The following ANOS1 variants were observed in gnomAD, a reference collection of about 807,000 sequenced individuals.
The protein encoded by ANOS1 is anosmin 1.
In ANOS1, 6 loss-of-function variants were observed where a neutral mutation model predicts 59.0. The ratio of observed to expected loss-of-function variants is 0.10; its 90% CI spans 0.06 to 0.20. The LOEUF (loss-of-function observed/expected upper bound fraction) is 0.20, where lower values mean the gene tolerates loss of function less well. ANOS1 is among the 10% of genes least tolerant of loss of function. The pLI, the probability that ANOS1 is intolerant of heterozygous loss-of-function variation, is 1.00. For synonymous variants in ANOS1, 217 were observed against 223.4 expected (o/e 0.97, Z 0.25); for missense variants, 433 against 542.3 (o/e 0.80, Z 2.00).
intron 2 of ANOS1, among the ~76,000 whole-genome samples, chrX:8,625,883 C>T (rs762579539): frequency 1.8e-5 from 2 of 109,891 alleles, no homozygotes; most frequent in African/African-American, 3.3e-5. Flanking sequence ...GAGGCCGAGG[C>T]GGGCAGATCA....
At chrX:8,663,575 T>C (rs1036365566) in intron 2 of ANOS1, among the ~76,000 whole-genome samples, 3 of 111,659 alleles carry the variant, frequency 2.7e-5, no homozygotes, top group African/African-American at 9.8e-5. Flanking sequence ...CTGAAATCAG[T>C]TGGAACCAAT....
chrX:8,612,973 C>T (rs17221766), intron 3 of ANOS1, among the ~76,000 whole-genome samples: 41,974 of 110,029 alleles, frequency 0.38, 5,806 homozygotes, highest in South Asian at 0.43. Flanking sequence ...AAAGCTCTAC[C>T]AACTCACATA....
chrX:8,716,135 A>C (rs1932840876), intron 1 of ANOS1, among the ~76,000 whole-genome samples: 1 of 111,753 alleles, frequency 8.9e-6, no homozygotes, highest in South Asian at 3.8e-4. Context: ...AAGAAGTCCC[A>C]AAAACAGAAG....
chrX:8,539,310 G>A (rs1270588025), intron 10 of ANOS1, among the ~76,000 whole-genome samples: 1 of 110,110 alleles, frequency 9.1e-6, no homozygotes, highest in African/African-American at 3.3e-5. Flanking sequence ...TTTAGATCAC[G>A]GTGACATGTC....
intron 2 of ANOS1, among the ~76,000 whole-genome samples, chrX:8,664,141 C>T (rs112055926): frequency 0.067 from 7,454 of 111,664 alleles, 661 homozygotes; most frequent in African/African-American, 0.23. Context: ...TGTTTACCTA[C>T]GTAACAAATC....
chrX:8,714,605 G>A (rs1361878210), intron 1 of ANOS1, among the ~76,000 whole-genome samples: 1 of 111,403 alleles, frequency 9.0e-6, no homozygotes, highest in Non-Finnish European at 1.9e-5. Context: ...AATATGCCTG[G>A]TAAGTCCTAG....
intron 2 of ANOS1, among the ~76,000 whole-genome samples, chrX:8,698,326 G>T (rs1170504879): frequency 1.8e-5 from 2 of 112,085 alleles, no homozygotes; most frequent in Non-Finnish European, 3.8e-5. Context: ...AAATAAGCCT[G>T]TTCTAATCAA....
At chrX:8,535,462 A>G in intron 12 of ANOS1, 129 bp downstream of exon 12, 1 of 527,867 alleles carries the variant, frequency 1.9e-6, no homozygotes, top group Non-Finnish European at 3.4e-6. Flanking sequence ...TACACTCAGA[A>G]GAAGAAAATG....
chrX:8,650,502 G>C, intron 2 of ANOS1, among the ~76,000 whole-genome samples: 1 of 112,265 alleles, frequency 8.9e-6, no homozygotes, highest in East Asian at 2.8e-4. Flanking sequence ...CGGATCACTT[G>C]AAGTCAGGAG....
intron 3 of ANOS1, among the ~76,000 whole-genome samples, chrX:8,597,658 C>CTTTTT (rs35836743): frequency 4.0e-5 from 1 of 25,146 alleles, no homozygotes; most frequent in Non-Finnish European, 7.0e-5. Context: ...TTCTTTCTCC[C>CTTTTT]TTTTTTTTTT....
In ANOS1 at chrX:8,654,781, T is replaced by C. The variant is rs149914011; in HGVS notation, c.256-31111A>G. 5.2e-3 allele frequency among the ~76,000 whole-genome samples: 579 copies of C among 112,426 alleles called. 5 individuals carry two copies. The highest frequency in any genetic ancestry group is 0.017 in the African/African-American group (539 of 30,978). On this transcript the variant is annotated intron_variant, in intron 2 of 13. Coordinates refer to ENST00000262648, the MANE Select transcript of ANOS1 (RefSeq NM_000216.4). Reference sequence around the variant, plus strand: ...TTCAAAGTTTGGCAAGCTAAGCCCATTGGGAAATGAATCCACTCTGACATT... The same window carrying C: ...TTCAAAGTTTGGCAAGCTAAGCCCACTGGGAAATGAATCCACTCTGACATT...
chrX:8,623,074 T>TGCTG (rs1181301438), intron 3 of ANOS1, among the ~76,000 whole-genome samples: 4 of 80,725 alleles, frequency 5.0e-5, no homozygotes, highest in Non-Finnish European at 5.3e-5. Context: ...ATGGATGGCT[T>TGCTG]GCTGGCTGGC....
chrX:8,694,874 T>A (rs1026369019), intron 2 of ANOS1, among the ~76,000 whole-genome samples: 16 of 112,230 alleles, frequency 1.4e-4, no homozygotes, highest in Non-Finnish European at 2.1e-4. Flanking sequence ...ATAGAATTTT[T>A]AAAATACATT....
At chrX:8,713,207 A>T (rs1932821990) in intron 1 of ANOS1, among the ~76,000 whole-genome samples, 1 of 110,861 alleles carries the variant, frequency 9.0e-6, no homozygotes, top group African/African-American at 3.3e-5. Context: ...TAGTAAGCTC[A>T]CACTTAATCA....
intron 9 of ANOS1, among the ~76,000 whole-genome samples, chrX:8,548,424 T>G (rs1409887437): frequency 1.8e-5 from 2 of 112,231 alleles, no homozygotes; most frequent in Non-Finnish European, 3.8e-5. Context: ...AATGCCAAAT[T>G]CCATATTTTT....
At chrX:8,663,319 T>G (rs1259801960) in intron 2 of ANOS1, among the ~76,000 whole-genome samples, 1 of 112,224 alleles carries the variant, frequency 8.9e-6, no homozygotes, top group Non-Finnish European at 1.9e-5. Context: ...TCTGTTTCTT[T>G]GGATTTTTTT....
At chrX:8,585,239 T>C in intron 6 of ANOS1, 28 bp downstream of exon 6, 1 of 1,203,529 alleles carries the variant, frequency 8.3e-7, no homozygotes, top group African/African-American at 1.7e-5. Context: ...GATAGTATTC[T>C]GTGTCTGGGA....
chrX:8,724,162 C>T (rs6638862), intron 1 of ANOS1, among the ~76,000 whole-genome samples: 9 of 111,096 alleles, frequency 8.1e-5, no homozygotes, highest in African/African-American at 3.0e-4. Flanking sequence ...TAAAAGCTAA[C>T]TTATATTTTT....
chrX:8,620,412 G>A (rs1003637086), intron 3 of ANOS1, among the ~76,000 whole-genome samples: 10 of 111,985 alleles, frequency 8.9e-5, no homozygotes, highest in Non-Finnish European at 1.7e-4. Context: ...AATTGTTTCC[G>A]TTGAAGAATA....
Sources: gnomAD v4.1 joint callset for allele counts (sites outside exome capture counted in the v4.1 genomes callset) on GRCh38, gnomAD v4.1.1 for gene constraint, MANE v1.5 for transcripts, NCBI Gene and HGNC (gene_info 2026-07-23, HGNC 2026-07-21) for gene names.